Variants in RSPH10B2 observed in about 807,000 individuals in gnomAD.
RSPH10B2 encodes the protein radial spoke head 10 homolog B2 (Chlamydomonas).
A neutral mutation model predicts 49.0 loss-of-function variants in RSPH10B2; 9 were observed. That is an observed-to-expected ratio of 0.18 (90% CI 0.11 to 0.32). The LOEUF is 0.32. RSPH10B2 is among the 10% of genes least tolerant of loss of function. The probability of loss-of-function intolerance (pLI) is 1.00; values close to 1 mark genes in which losing one functional copy is unlikely to be tolerated. For missense variants in RSPH10B2, 95 were observed against 589.9 expected, an observed-to-expected ratio of 0.16 and a Z score of 8.69; for synonymous variants, 35 against 210.2, an observed-to-expected ratio of 0.17 and a Z score of 7.21.
chr7:6,798,541 TAGAG>T (rs771522891), exon 19 of RSPH10B2: 4 of 732,218 alleles, frequency 5.5e-6, no homozygotes, highest in African/African-American at 5.7e-5. Flanking sequence ...GAAGAAAAAG[TAGAG>T]AGACACGAGG....
At chr7:6,774,922 G>T (rs1781723812) in intron 9 of RSPH10B2, among the ~76,000 whole-genome samples, 1 of 150,978 alleles carries the variant, frequency 6.6e-6, no homozygotes, top group Admixed American at 6.6e-5. Context: ...ACTTGCTACT[G>T]TGTCTGGTTC....
rs1255162253 is a variant in RSPH10B2, at chr7:6,781,975, G to T, written c.1758+499G>T. ...GTCACTCAGGCTGGAGTGCAATGAAGTGATCTTGGCTCACTGCAACCTCCA... is the reference window on the plus strand; with the variant it reads ...GTCACTCAGGCTGGAGTGCAATGAATTGATCTTGGCTCACTGCAACCTCCA... On this transcript the variant is annotated intron_variant, in intron 13 of 18. Transcript: ENST00000297186. Among the ~76,000 whole-genome samples, 5 of 110,938 alleles carry T rather than the reference G, an allele frequency of 4.5e-5. 2 individuals carry two copies. The highest frequency in any genetic ancestry group is 1.8e-4 in the African/African-American group (5 of 28,404). 72.8% of individuals were successfully genotyped at this position (110,938 alleles called of 152,430 possible).
intron 3 of RSPH10B2, among the ~76,000 whole-genome samples, chr7:6,763,534 G>C (rs1282568014): frequency 8.1e-6 from 1 of 123,022 alleles, no homozygotes; most frequent in Non-Finnish European, 1.7e-5. Context: ...CAGTCCTCCC[G>C]CCTCAGTCTC....
intron 11 of RSPH10B2, among the ~76,000 whole-genome samples, chr7:6,779,974 ATTT>A (rs769877980): frequency 9.1e-5 from 10 of 110,078 alleles, no homozygotes; most frequent in Admixed American, 1.9e-4. Context: ...TGCCTGGCTA[ATTT>A]TTTTTTTTTT....
intron 13 of RSPH10B2, among the ~76,000 whole-genome samples, chr7:6,782,822 G>A (rs1259001064): frequency 8.5e-6 from 1 of 117,126 alleles, no homozygotes; most frequent in Non-Finnish European, 1.7e-5. Flanking sequence ...GGCCGAGGTT[G>A]CAATGAGCTG....
chr7:6,793,935 G>A (rs1245948668), intron 17 of RSPH10B2, among the ~76,000 whole-genome samples: 4 of 151,892 alleles, frequency 2.6e-5, no homozygotes, highest in African/African-American at 4.8e-5. Flanking sequence ...TAGGCATCTT[G>A]GGGGGCTGTG....
intron 3 of RSPH10B2, among the ~76,000 whole-genome samples, chr7:6,761,717 C>T (rs1419775909): frequency 2.0e-5 from 3 of 151,134 alleles, no homozygotes; most frequent in East Asian, 2.0e-4. Context: ...GGATTACAGG[C>T]GCCCGCCACC....
exon 19 of RSPH10B2, chr7:6,798,608 A>AGGAACACT (rs1324195344): frequency 5.2e-6 from 2 of 387,996 alleles, no homozygotes; most frequent in African/African-American, 1.5e-4. Flanking sequence ...TGAGCATTAC[A>AGGAACACT]GTTCTTAGCA....
chr7:6,772,291 AT>A (rs1411435610), intron 8 of RSPH10B2, among the ~76,000 whole-genome samples: 2 of 16,094 alleles, frequency 1.2e-4, no homozygotes, highest in Admixed American at 6.1e-4. Context: ...AGCCTAGCTA[AT>A]TTTTTTTTTC....
intron 13 of RSPH10B2, among the ~76,000 whole-genome samples, chr7:6,782,893 CTAAG>C (rs1213363701): frequency 2.4e-5 from 3 of 122,502 alleles, no homozygotes; most frequent in African/African-American, 6.4e-5. Context: ...CAAAAAAAAA[CTAAG>C]GAAGTGGGGA....
At chr7:6,769,531 A>G (rs1276481823) in intron 7 of RSPH10B2, among the ~76,000 whole-genome samples, 1 of 69,526 alleles carries the variant, frequency 1.4e-5, no homozygotes, top group Non-Finnish European at 2.8e-5. Context: ...TCTCGATTAA[A>G]TTACATTATC....
chr7:6,782,071 A>G (rs1440926263), intron 13 of RSPH10B2, among the ~76,000 whole-genome samples: 1 of 109,298 alleles, frequency 9.1e-6, no homozygotes, highest in Non-Finnish European at 1.8e-5. Context: ...CCGCCACCAC[A>G]CCTGGCTAAT....
chr7:6,756,104 TA>T (rs779682452), upstream of RSPH10B2, among the ~76,000 whole-genome samples: 4 of 150,068 alleles, frequency 2.7e-5, no homozygotes, highest in East Asian at 2.0e-4. Flanking sequence ...CCGTCTCTAC[TA>T]AAAATACAAA....
intron 10 of RSPH10B2, among the ~76,000 whole-genome samples, chr7:6,776,879 A>T (rs1248769481): frequency 0.056 from 2,923 of 52,554 alleles, 98 homozygotes; most frequent in South Asian, 0.12. Context: ...TCCATCACAC[A>T]CACACACACA....
rs1426080432 is a variant in RSPH10B2 at position 6,781,584 on chromosome 7, T to C, written c.1758+108T>C. 30 of 1,215,112 alleles carry C rather than the reference T, an allele frequency of 2.5e-5. 7 individuals are homozygous for C. Among genetic ancestry groups the C allele is most frequent in the Non-Finnish European group, 3.2e-5 (30 of 938,474 alleles). The allele number at this position is 1,215,112 out of a possible 1,614,324, so 75.3% of individuals were successfully genotyped here. On this transcript the variant is annotated intron_variant, in intron 13 of 18. Coordinates refer to ENST00000297186, the Ensembl canonical transcript of RSPH10B2. Reference sequence around the variant, plus strand: ...ATATGCAAATTATCAGGTGAAGATCTGGGCTGGGTTTTCAGGACCATTAAA... The same window carrying C: ...ATATGCAAATTATCAGGTGAAGATCCGGGCTGGGTTTTCAGGACCATTAAA...
chr7:6,793,896 C>A (rs1782451784), intron 17 of RSPH10B2, among the ~76,000 whole-genome samples: 6 of 151,786 alleles, frequency 4.0e-5, no homozygotes. Context: ...CCCTCTAGAT[C>A]CCACTTTCTT....
At chr7:6,795,857 A>C (rs1221631426) in intron 17 of RSPH10B2, among the ~76,000 whole-genome samples, 1 of 148,686 alleles carries the variant, frequency 6.7e-6, no homozygotes, top group Non-Finnish European at 1.5e-5. Context: ...TGAGCCCAGG[A>C]GTTCCTCCAG....
exon 6 of RSPH10B2, chr7:6,766,873 T>C (rs539645553): frequency 3.1e-5 from 24 of 778,266 alleles, no homozygotes; most frequent in Admixed American, 6.4e-5. Flanking sequence ...GAGAGGGGCA[T>C]CCAGGTACGC....
intron 10 of RSPH10B2, among the ~76,000 whole-genome samples, chr7:6,777,912 G>A (rs1419833680): frequency 4.6e-5 from 7 of 152,188 alleles, no homozygotes; most frequent in Middle Eastern, 3.2e-3. Context: ...CATTTCCCCC[G>A]TGATTACGAG....
Sources: allele counts gnomAD v4.1 joint callset (sites outside exome capture counted in the v4.1 genomes callset), GRCh38; gene constraint gnomAD v4.1.1; transcripts MANE v1.5; gene names NCBI Gene and HGNC (gene_info 2026-07-23, HGNC 2026-07-21).